KIF6: variants seen among roughly 807,000 people sequenced by gnomAD.
KIF6 encodes kinesin-like protein KIF6.
KIF6 carries 106 observed loss-of-function variants against 112.7 expected under a neutral mutation model. The ratio of observed to expected loss-of-function variants is 0.94; its 90% CI spans 0.80 to 1.11. The LOEUF is 1.11. Ranked by LOEUF, KIF6 falls within the 50% of genes least tolerant of loss-of-function variation. The pLI is 0.00. For synonymous variants in KIF6, 339 were observed against 339.9 expected (o/e 1.00, Z 0.03); for missense variants, 929 against 964.0 (o/e 0.96, Z 0.48).
intron 12 of KIF6, among the ~76,000 whole-genome samples, chr6:39,541,856 A>C (rs537934053): frequency 6.6e-6 from 1 of 152,232 alleles, no homozygotes; most frequent in Non-Finnish European, 1.5e-5. Context: ...AAGTTTCCCT[A>C]AAGAGAAACA....
chr6:39,568,546 C>T (rs1780448568), intron 10 of KIF6, among the ~76,000 whole-genome samples: 1 of 151,540 alleles, frequency 6.6e-6, no homozygotes, highest in African/African-American at 2.4e-5. Context: ...ATTTTCTTTT[C>T]TTTTCTTTTT....
At chr6:39,529,835 A>T (rs1201959855) in intron 13 of KIF6, among the ~76,000 whole-genome samples, 3 of 152,176 alleles carry the variant, frequency 2.0e-5, no homozygotes, top group Non-Finnish European at 4.4e-5. Flanking sequence ...AAGACATATA[A>T]ATGTTCACAT....
At chr6:39,523,645 C>CATATATATATATATAT (rs56952665) in intron 13 of KIF6, among the ~76,000 whole-genome samples, 1 of 32,478 alleles carries the variant, frequency 3.1e-5, no homozygotes, top group Non-Finnish European at 7.4e-5. Context: ...TTAATTCTGC[C>CATATATATATATATAT]ATATATATAT....
At chr6:39,411,034 T>C (rs776099719) in intron 15 of KIF6, among the ~76,000 whole-genome samples, 8 of 108,932 alleles carry the variant, frequency 7.3e-5, no homozygotes, top group African/African-American at 1.2e-4. Context: ...AAAACACAAA[T>C]TGGTCCAGTC....
intron 10 of KIF6, among the ~76,000 whole-genome samples, chr6:39,568,238 G>A (rs894017151): frequency 2.0e-5 from 3 of 152,164 alleles, no homozygotes; most frequent in Non-Finnish European, 2.9e-5. Flanking sequence ...AGGGGGTAAC[G>A]AGTGACGGGG....
chr6:39,601,028 C>T (rs1420938236), intron 6 of KIF6, among the ~76,000 whole-genome samples: 2 of 152,112 alleles, frequency 1.3e-5, no homozygotes, highest in African/African-American at 2.4e-5. Flanking sequence ...ATATTAACGT[C>T]GCTGTTGATA....
intron 13 of KIF6, among the ~76,000 whole-genome samples, chr6:39,441,682 C>A (rs2150395823): frequency 6.6e-6 from 1 of 152,292 alleles, no homozygotes; most frequent in East Asian, 1.9e-4. Flanking sequence ...GATGTGAAGA[C>A]CAGAGATCAG....
intron 10 of KIF6, among the ~76,000 whole-genome samples, chr6:39,562,773 T>C (rs1421383561): frequency 6.6e-6 from 1 of 152,236 alleles, no homozygotes; most frequent in Admixed American, 6.5e-5. Flanking sequence ...GCTCAATAAA[T>C]GGCATTTATT....
In KIF6 at chr6:39,343,586, G is replaced by C. The variant is rs1056598644; in HGVS notation, c.2428+123C>G. On this transcript the variant is annotated intron_variant, in intron 22 of 22. Coordinates refer to ENST00000287152, the MANE Select transcript of KIF6 (RefSeq NM_145027.6). The surrounding 1 kb of genome is among the most constrained non-coding windows in gnomAD (Gnocchi z 4.1). ...CTGGGCACATGTGACTGACAGGCAG[G>C]CCAGTCCTGTGGCTTCAGGAATATG... 16 of 1,157,558 alleles carry C rather than the reference G, an allele frequency of 1.4e-5. No homozygotes were observed. In the South Asian group the frequency reaches 2.1e-4, roughly 16 times the overall value. 71.7% of individuals were successfully genotyped at this position (1,157,558 alleles called of 1,614,324 possible).
At chr6:39,579,162 G>C (rs1323965069) in intron 9 of KIF6, among the ~76,000 whole-genome samples, 1 of 152,106 alleles carries the variant, frequency 6.6e-6, no homozygotes, top group Non-Finnish European at 1.5e-5. Context: ...TTGTTAAATT[G>C]CTCTTCAGAG....
At chr6:39,337,101 TTC>T (rs199527908) in intron 22 of KIF6, among the ~76,000 whole-genome samples, 4,255 of 136,046 alleles carry the variant, frequency 0.031, 210 homozygotes, top group Non-Finnish European at 0.046. Flanking sequence ...CCTTTCTTTC[TTC>T]TTTCTTCTCT....
chr6:39,351,361 G>A (rs1390635654), intron 19 of KIF6, among the ~76,000 whole-genome samples: 3 of 151,576 alleles, frequency 2.0e-5, no homozygotes, highest in Non-Finnish European at 4.4e-5. Context: ...CTCCTGAGTA[G>A]CTGCGACTAC....
chr6:39,674,322 A>G (rs570448055), intron 3 of KIF6, among the ~76,000 whole-genome samples: 15 of 152,224 alleles, frequency 9.9e-5, no homozygotes, highest in Non-Finnish European at 1.9e-4. Context: ...GACAGGGGCC[A>G]TAAGCTATAG....
intron 13 of KIF6, among the ~76,000 whole-genome samples, chr6:39,451,093 C>A (rs935546125): frequency 2.0e-5 from 3 of 152,010 alleles, no homozygotes; most frequent in African/African-American, 7.3e-5. Flanking sequence ...AATGCTGCAC[C>A]GAGTGTCTTG....
intron 3 of KIF6, among the ~76,000 whole-genome samples, chr6:39,689,419 G>A (rs1002581031): frequency 1.3e-5 from 2 of 151,798 alleles, no homozygotes; most frequent in South Asian, 2.1e-4. Context: ...TCGCCTGAGC[G>A]TGGGGAGGCT....
At chr6:39,424,968 A>G (rs1432912150) in intron 14 of KIF6, among the ~76,000 whole-genome samples, 1 of 152,230 alleles carries the variant, frequency 6.6e-6, no homozygotes, top group African/African-American at 2.4e-5. Context: ...TTCCAAGATC[A>G]GTTCCAGAAA....
intron 2 of KIF6, among the ~76,000 whole-genome samples, chr6:39,715,302 T>C (rs1789770215): frequency 6.6e-6 from 1 of 152,186 alleles, no homozygotes; most frequent in Non-Finnish European, 1.5e-5. Context: ...TTGTTTCATT[T>C]TGTTGACCAT....
At chr6:39,608,458 G>A (rs942381157) in intron 6 of KIF6, among the ~76,000 whole-genome samples, 2 of 152,122 alleles carry the variant, frequency 1.3e-5, no homozygotes, top group African/African-American at 4.8e-5. Flanking sequence ...AGACTGTACT[G>A]AAAGTGAAAA....
intron 15 of KIF6, among the ~76,000 whole-genome samples, chr6:39,389,242 C>T (rs1364396755): frequency 6.6e-6 from 1 of 152,124 alleles, no homozygotes; most frequent in Non-Finnish European, 1.5e-5. Context: ...AAACCATTTT[C>T]CATAAGCTTC....
Sources: allele counts gnomAD v4.1 joint callset (sites outside exome capture counted in the v4.1 genomes callset), GRCh38; gene constraint gnomAD v4.1.1; non-coding constraint Gnocchi (gnomAD v3.1); transcripts MANE v1.5; gene names NCBI Gene and HGNC (gene_info 2026-07-23, HGNC 2026-07-21).